The following CENPW variants were observed in gnomAD, a reference collection of about 807,000 sequenced individuals.
CENPW encodes the protein centromere protein W.
A neutral mutation model predicts 11.1 loss-of-function variants in CENPW; 3 were observed. The observed-to-expected ratio is 0.27, with a 90% CI of 0.12 to 0.70. The LOEUF (loss-of-function observed/expected upper bound fraction) is 0.70. Among genes scored for constraint, CENPW ranks in the 30% least tolerant of loss-of-function variants. The pLI is 0.77. For missense variants in CENPW, 100 were observed against 105.6 expected, an observed-to-expected ratio of 0.95 and a Z score of 0.23; for synonymous variants, 38 against 42.0, an observed-to-expected ratio of 0.91 and a Z score of 0.37.
At chr6:126,342,896 GTTA>G (rs1296423801) in intron 1 of CENPW, among the ~76,000 whole-genome samples, 1 of 152,038 alleles carries the variant, frequency 6.6e-6, no homozygotes, top group Admixed American at 6.6e-5. Context: ...ATTTCTTTGT[GTTA>G]TTTTATTATT....
chr6:126,482,636 G>A, the CENPW span, among the ~76,000 whole-genome samples: 2 of 152,066 alleles, frequency 1.3e-5, no homozygotes, highest in Non-Finnish European at 2.9e-5. Context: ...AATTGCAATA[G>A]TGTTTTATCA....
the CENPW span, among the ~76,000 whole-genome samples, chr6:126,378,790 A>G: frequency 5.1e-4 from 78 of 152,312 alleles, no homozygotes; most frequent in African/African-American, 1.8e-3. Flanking sequence ...TCTAATTCCA[A>G]TAGCTGCACT....
chr6:126,366,951 C>T, the CENPW span, among the ~76,000 whole-genome samples: 1 of 152,078 alleles, frequency 6.6e-6, no homozygotes, highest in Admixed American at 6.5e-5. Flanking sequence ...TGATAATTGC[C>T]ATTAATTGTT....
the CENPW span, among the ~76,000 whole-genome samples, chr6:126,398,244 C>T: frequency 5.0e-4 from 76 of 152,262 alleles, no homozygotes; most frequent in African/African-American, 1.7e-3. Flanking sequence ...TTGTCTATCC[C>T]ATTTAAATTT....
At chr6:126,447,636 T>C in the CENPW span, among the ~76,000 whole-genome samples, 7 of 151,188 alleles carry the variant, frequency 4.6e-5, no homozygotes, top group East Asian at 1.9e-4. Context: ...CAATATCAAA[T>C]TGGGCCTTTG....
chr6:126,422,280 C>T, the CENPW span, among the ~76,000 whole-genome samples: 9 of 151,956 alleles, frequency 5.9e-5, no homozygotes, highest in African/African-American at 2.2e-4. Context: ...AGTTATATAC[C>T]TCTTTTTATT....
intron 1 of CENPW, among the ~76,000 whole-genome samples, chr6:126,345,987 G>T: frequency 6.6e-6 from 1 of 152,142 alleles, no homozygotes; most frequent in African/African-American, 2.4e-5. Context: ...GCCTTGCATA[G>T]CTTGTTTTAT....
At chr6:126,477,717 TTTAA>T in the CENPW span, among the ~76,000 whole-genome samples, 2 of 151,998 alleles carry the variant, frequency 1.3e-5, no homozygotes, top group African/African-American at 4.8e-5. Context: ...TGGCAGGTAG[TTTAA>T]TTAACTTTTA....
At chr6:126,377,623 G>A in the CENPW span, among the ~76,000 whole-genome samples, 1 of 152,086 alleles carries the variant, frequency 6.6e-6, no homozygotes, top group Admixed American at 6.6e-5. Flanking sequence ...GGGACTGTTA[G>A]GGACTTCAAA....
At chr6:126,476,301 T>C in the CENPW span, among the ~76,000 whole-genome samples, 1 of 152,006 alleles carries the variant, frequency 6.6e-6, no homozygotes, top group Admixed American at 6.6e-5. Context: ...TCTTAAAATA[T>C]TAATTTGGAA....
chr6:126,358,122 T>G, the CENPW span, among the ~76,000 whole-genome samples: 1 of 152,232 alleles, frequency 6.6e-6, no homozygotes, highest in African/African-American at 2.4e-5. Flanking sequence ...TGGTGGAGTC[T>G]TTAGGGTTTT....
the CENPW span, among the ~76,000 whole-genome samples, chr6:126,377,450 ACTT>A: frequency 1.3e-5 from 2 of 152,188 alleles, no homozygotes; most frequent in African/African-American, 4.8e-5. Flanking sequence ...ATCACTGTCT[ACTT>A]AATTTTTAAG....
the CENPW span, among the ~76,000 whole-genome samples, chr6:126,386,327 G>A: frequency 2.0e-5 from 3 of 152,042 alleles, no homozygotes; most frequent in Non-Finnish European, 2.9e-5. Context: ...TATAAATGGA[G>A]GGAGAATATC....
At chr6:126,401,988 C>T in the CENPW span, among the ~76,000 whole-genome samples, 7 of 152,192 alleles carry the variant, frequency 4.6e-5, no homozygotes, top group East Asian at 1.2e-3. Context: ...CAAGTGCTCT[C>T]GTCACAGCCT....
the CENPW span, among the ~76,000 whole-genome samples, chr6:126,389,123 C>G: frequency 2.0e-5 from 3 of 151,722 alleles, no homozygotes; most frequent in East Asian, 1.9e-4. Flanking sequence ...AACATAATAC[C>G]CTTGTATGCA....
the CENPW span, among the ~76,000 whole-genome samples, chr6:126,375,548 C>T: frequency 6.6e-6 from 1 of 152,046 alleles, no homozygotes; most frequent in Non-Finnish European, 1.5e-5. Flanking sequence ...TGCCTCTCAC[C>T]CTTTTGTCTT....
chr6:126,384,816 A>G, the CENPW span, among the ~76,000 whole-genome samples: 3 of 152,130 alleles, frequency 2.0e-5, no homozygotes, highest in Non-Finnish European at 4.4e-5. Context: ...GAAACTATCA[A>G]TAGAGTAAAC....
chr6:126,393,818 G>A, the CENPW span, among the ~76,000 whole-genome samples: 1 of 150,486 alleles, frequency 6.6e-6, no homozygotes, highest in Non-Finnish European at 1.5e-5. Context: ...ATAAATACAT[G>A]TGCATCATGT....
chr6:126,466,739 C>T, the CENPW span, among the ~76,000 whole-genome samples: 21 of 151,990 alleles, frequency 1.4e-4, no homozygotes, highest in African/African-American at 4.6e-4. Context: ...CAGTTAAACA[C>T]CATAGTCTTG....
Sources: allele counts gnomAD v4.1 joint callset (sites outside exome capture counted in the v4.1 genomes callset), GRCh38; gene constraint gnomAD v4.1.1; transcripts MANE v1.5; gene names NCBI Gene and HGNC (gene_info 2026-07-23, HGNC 2026-07-21).